Variants in ZNF177 observed in about 807,000 individuals in gnomAD.
The protein encoded by ZNF177 is zinc finger protein 177.
A neutral mutation model predicts 19.4 loss-of-function variants in ZNF177; 17 were observed. The observed-to-expected ratio is 0.87, with a 90% confidence interval of 0.60 to 1.31. ZNF177 has a LOEUF of 1.31. Ranked by LOEUF, ZNF177 falls within the 40% of genes most tolerant of loss-of-function variation. The probability of loss-of-function intolerance (pLI) is 0.00; values close to 1 mark genes in which losing one functional copy is unlikely to be tolerated. For synonymous variants in ZNF177, 220 were observed against 188.7 expected (o/e 1.17, Z -1.36); for missense variants, 633 against 561.8 (o/e 1.13, Z -1.28).
upstream of ZNF177, among the ~76,000 whole-genome samples, chr19:9,374,484 T>G (rs191839964): frequency 6.6e-6 from 1 of 152,190 alleles, no homozygotes; most frequent in African/African-American, 2.4e-5. Context: ...GTGTGACATT[T>G]GACAATATTG....
At chr19:9,370,150 A>C (rs1311295857) in intron 2 of ZNF177, among the ~76,000 whole-genome samples, 1 of 152,084 alleles carries the variant, frequency 6.6e-6, no homozygotes, top group Non-Finnish European at 1.5e-5. Flanking sequence ...TTAAGCTTTT[A>C]ATCATGAAAA....
chr19:9,380,958 T>G, exon 6 of ZNF177: 1 of 1,538,996 alleles, frequency 6.5e-7, no homozygotes, highest in Non-Finnish European at 8.7e-7. Context: ...ATGAGCAATG[T>G]GATATGTCCT....
At chr19:9,381,164 A>T (rs143152963) in exon 6 of ZNF177, 265 of 1,614,050 alleles carry the variant, frequency 1.6e-4, no homozygotes, top group Non-Finnish European at 2.2e-4. Flanking sequence ...GTCAGAACTC[A>T]CTCTGGAGAG....
chr19:9,381,639 C>CT lies in ZNF177; in HGVS notation c.1309dup (p.Ser437PhefsTer17). On this transcript the variant is annotated frameshift_variant, in exon 6 of 6. Transcript: ENST00000589262. LOFTEE classifies it low-confidence loss of function (END_TRUNC). ...AATGTGGGAAGGCCTTTAGGAATTC[C>CT]TCTTGCCTGAGGGTACACGTGAGAA... 6.2e-7 allele frequency: 1 copy of CT among 1,613,764 alleles called. No homozygotes were observed. The highest frequency in any genetic ancestry group is 8.5e-7 in the Non-Finnish European group (1 of 1,179,906).
chr19:9,363,659 C>A (rs2067937549), intron 1 of ZNF177, among the ~76,000 whole-genome samples: 2 of 152,152 alleles, frequency 1.3e-5, no homozygotes, highest in South Asian at 4.1e-4. Flanking sequence ...ATGACCAGAT[C>A]CCCCTCTATG....
At chr19:9,373,615 G>A (rs1008886777), upstream of ZNF177, among the ~76,000 whole-genome samples, 1 of 152,050 alleles carries the variant, frequency 6.6e-6, no homozygotes, top group Non-Finnish European at 1.5e-5. Context: ...GTTATCCTTT[G>A]ACTTTTTGAT....
Position 9,380,651 on chromosome 19 carries a change from T to TA in ZNF177, c.337-16dup, listed in dbSNP as rs2122562598. ...AGTGAAAAAGCCTCTAGTCACCACT[T>TA]ACTCCCTTTTCAACAGGCAGAAAAT... On this transcript the variant is annotated splice_polypyrimidine_tract_variant and intron_variant, in intron 5 of 5. Coordinates refer to ENST00000589262, the Ensembl canonical transcript of ZNF177. 1 of 1,535,888 alleles carries TA rather than the reference T, an allele frequency of 6.5e-7. No homozygotes were observed. Among genetic ancestry groups the TA allele is most frequent in the African/African-American group, 1.4e-5 (1 of 73,146 alleles).
At chr19:9,377,435 T>G (rs1142463) in intron 1 of ZNF177, among the ~76,000 whole-genome samples, 92,605 of 151,924 alleles carry the variant, frequency 0.61, 28,843 homozygotes, top group African/African-American at 0.73. Flanking sequence ...ATTCTAGAAG[T>G]CATTGTCACC....
intron 2 of ZNF177, among the ~76,000 whole-genome samples, chr19:9,369,454 T>C (rs545957066): frequency 5.3e-5 from 8 of 152,090 alleles, no homozygotes; most frequent in Non-Finnish European, 1.2e-4. Flanking sequence ...GGTATATCTT[T>C]CTTATTTTTG....
At chr19:9,381,093 G>T in exon 6 of ZNF177, 1 of 1,612,322 alleles carries the variant, frequency 6.2e-7, no homozygotes, top group Non-Finnish European at 8.5e-7. Flanking sequence ...GTGTGGAGGA[G>T]GGTTTGGAAT....
intron 2 of ZNF177, among the ~76,000 whole-genome samples, chr19:9,368,421 G>A (rs2068007159): frequency 6.6e-6 from 1 of 152,066 alleles, no homozygotes; most frequent in South Asian, 2.1e-4. Flanking sequence ...AGTTATTCAT[G>A]TCTTGTTAAT....
At chr19:9,377,273 T>C (rs2068122814) in intron 1 of ZNF177, among the ~76,000 whole-genome samples, 1 of 152,192 alleles carries the variant, frequency 6.6e-6, no homozygotes, top group African/African-American at 2.4e-5. Flanking sequence ...GTAGATTATA[T>C]ACAGTACATA....
In ZNF177 at chr19:9,379,559, A is replaced by G. The variant is rs144428865; in HGVS notation, c.193A>G (p.Lys65Glu). 9.7e-5 allele frequency: 157 copies of G among 1,613,982 alleles called. 1 individual carries two copies. The African/African-American group carries it at 1.8e-3, about 19-fold the overall frequency. The stretch of plus-strand genomic sequence containing the variant: ...GCTCTGCAGACACAGTCTGATCTCC[A>G]AGGTGGATCAAGAACAGCTGAAGAC... The change falls in exon 4 of 6, where the codon AAG becomes GAG. Residue 65 changes from lysine to glutamate, a missense_variant. Coordinates refer to ENST00000589262, the Ensembl canonical transcript of ZNF177.
chr19:9,379,378 A>G (rs1416966549), intron 3 of ZNF177, 149 bp from the exon 6 acceptor site: 1 of 1,223,900 alleles, frequency 8.2e-7, no homozygotes, highest in East Asian at 2.6e-5. Context: ...TGTGAAAGAA[A>G]GAGCTCGGCT....
chr19:9,366,093 C>T (rs2067975590), intron 2 of ZNF177, among the ~76,000 whole-genome samples: 1 of 152,170 alleles, frequency 6.6e-6, no homozygotes, highest in Non-Finnish European at 1.5e-5. Context: ...AGTGATTCTC[C>T]TGCCTCAGCC....
intron 2 of ZNF177, among the ~76,000 whole-genome samples, chr19:9,366,515 C>G (rs911913449): frequency 1.3e-5 from 2 of 152,268 alleles, no homozygotes; most frequent in South Asian, 2.1e-4. Context: ...TACAGCCTCC[C>G]TAAGTGCTGA....
intron 1 of ZNF177, among the ~76,000 whole-genome samples, chr19:9,363,663 C>G (rs957138035): frequency 6.6e-6 from 1 of 152,192 alleles, no homozygotes; most frequent in African/African-American, 2.4e-5. Context: ...CCAGATCCCC[C>G]TCTATGGGAC....
chr19:9,369,696 G>A (rs1257939355), intron 2 of ZNF177, among the ~76,000 whole-genome samples: 1 of 151,476 alleles, frequency 6.6e-6, no homozygotes, highest in Non-Finnish European at 1.5e-5. Context: ...CTTACCTTTG[G>A]AATTGAGATT....
intron 1 of ZNF177, 101 bp from the exon 2 acceptor site, chr19:9,364,761 T>C (rs537991579): frequency 1.3e-5 from 2 of 152,278 alleles, no homozygotes; most frequent in African/African-American, 4.8e-5. Flanking sequence ...GAGGTTGTAA[T>C]GGGGACTGAT....
Sources: allele counts gnomAD v4.1 joint callset (sites outside exome capture counted in the v4.1 genomes callset), GRCh38; gene constraint gnomAD v4.1.1; transcripts MANE v1.5; gene names NCBI Gene and HGNC (gene_info 2026-07-23, HGNC 2026-07-21).